The following AP3M1 variants were observed in gnomAD, a reference collection of about 807,000 sequenced individuals.
AP3M1 encodes the protein adaptor related protein complex 3 subunit mu 1, also known as AP-3 complex subunit mu-1.
Under a neutral mutation model 42.6 loss-of-function variants are expected in AP3M1, and 29 were observed. The ratio of observed to expected loss-of-function variants is 0.68; its 90% CI spans 0.51 to 0.93. The LOEUF (loss-of-function observed/expected upper bound fraction) is 0.93. Among genes scored for constraint, AP3M1 ranks in the 40% least tolerant of loss-of-function variants. AP3M1 has a pLI of 0.00. For missense variants in AP3M1, 416 were observed against 510.2 expected, an observed-to-expected ratio of 0.82 and a Z score of 1.78; for synonymous variants, 178 against 175.3, an observed-to-expected ratio of 1.02 and a Z score of -0.12.
rs1218966160 is a variant in AP3M1, at chr10:74,121,611, G to A, written c.*2199C>T. 3 of 152,210 alleles carry A rather than the reference G, an allele frequency of 2.0e-5. No homozygotes were observed. The highest frequency in any genetic ancestry group is 4.4e-5 in the Non-Finnish European group (3 of 68,030). 9.4% of individuals were successfully genotyped at this position (152,210 alleles called of 1,614,324 possible). Reference sequence around the variant, plus strand: ...TATGAATGGCTATTAACATACTGAGGTTAGGGAAGGAGTACTGAGAAGTGC... The same window carrying A: ...TATGAATGGCTATTAACATACTGAGATTAGGGAAGGAGTACTGAGAAGTGC... On this transcript the variant is annotated 3_prime_UTR_variant, in exon 9 of 9. Transcript: ENST00000355264.
intron 4 of AP3M1, among the ~76,000 whole-genome samples, chr10:74,133,445 C>T (rs902759380): frequency 2.0e-5 from 3 of 151,698 alleles, no homozygotes; most frequent in Non-Finnish European, 2.9e-5. Flanking sequence ...CCTGTAATCC[C>T]AGCTACTTGG....
At chr10:74,142,891 T>C (rs1841201188) in intron 1 of AP3M1, among the ~76,000 whole-genome samples, 1 of 152,260 alleles carries the variant, frequency 6.6e-6, no homozygotes, top group South Asian at 2.1e-4. Context: ...TAAATTTTTA[T>C]TATTACACCT....
intron 1 of AP3M1, among the ~76,000 whole-genome samples, chr10:74,146,880 G>GA (rs781477469): frequency 3.5e-3 from 468 of 133,618 alleles, no homozygotes; most frequent in African/African-American, 5.2e-3. Flanking sequence ...AGAGTCCTAA[G>GA]AAAAAAAAAA....
intron 1 of AP3M1, among the ~76,000 whole-genome samples, chr10:74,140,096 T>A (rs1429809874): frequency 6.6e-6 from 1 of 152,150 alleles, no homozygotes; most frequent in Non-Finnish European, 1.5e-5. Flanking sequence ...GACCCCCACC[T>A]GCAGCTGAGC....
In AP3M1 at chr10:74,124,392, G is replaced by C. The variant is rs1840555094; in HGVS notation, c.1144C>G (p.Leu382Val). 1 of 1,606,398 alleles carries C rather than the reference G, an allele frequency of 6.2e-7. No individual in the cohort carries two copies. Among genetic ancestry groups the C allele is most frequent in the Non-Finnish European group, 8.5e-7 (1 of 1,178,024 alleles). Reference protein sequence around the residue: ...SLNIQFKIQQLAISGLKVNRL... With the variant: ...SLNIQFKIQQVAISGLKVNRL... The stretch of plus-strand genomic sequence containing the variant: ...ACCTTATCCTTACCTGAAATAGCAA[G>C]CTGCTGGATCTTAAACTGTATGTTG... The change falls in exon 8 of 9, where the codon CTT (leucine) becomes GTT (valine). Residue 382 changes from leucine to valine, a missense_variant. Leu to Val is a conservative substitution (Grantham distance 32). Transcript: ENST00000355264.
Position 74,129,989 on chromosome 10 carries a change from G to A in AP3M1, c.587C>T (p.Ser196Phe). 6.4e-7 allele frequency: 1 copy of A among 1,560,782 alleles called. No homozygotes were observed. Among genetic ancestry groups the A allele is most frequent in the Non-Finnish European group, 8.6e-7 (1 of 1,156,284 alleles). The change falls in exon 5 of 9, where the codon TCT becomes TTT. Residue 196 changes from serine (S) to phenylalanine (F), a missense_variant. Ser to Phe is a radical substitution (Grantham distance 155). Transcript: ENST00000355264. ...CCCCTGAATTTCTGCAAAGACTGTA[G>A]ATCCTGAAGAAAGAAAAAAAAAAGG... ...EIDAIIDKSG[S>F]TVFAEIQGVI...
chr10:74,124,628 C>T, intron 7 of AP3M1, 104 bp from the exon 8 acceptor site: 2 of 965,502 alleles, frequency 2.1e-6, no homozygotes, highest in Non-Finnish European at 3.0e-6. Context: ...AACTGAAGTG[C>T]AGTCTCTTGA....
intron 4 of AP3M1, 31 bp downstream of exon 4, chr10:74,133,996 T>A: frequency 1.9e-6 from 3 of 1,610,442 alleles, no homozygotes; most frequent in Non-Finnish European, 2.5e-6. Flanking sequence ...GAATTGTTTT[T>A]CCCCAAATAA....
Position 74,123,155 on chromosome 10 carries a change from T to G in AP3M1, c.*655A>C, listed in dbSNP as rs1840517380. The G allele has an allele frequency of 6.6e-6, 1 of 152,642 alleles. No homozygotes were observed. Among genetic ancestry groups the G allele is most frequent in the Admixed American group, 6.5e-5 (1 of 15,268 alleles). The allele number at this position is 152,642 out of a possible 1,614,324, so 9.5% of individuals were successfully genotyped here. A position where few individuals can be genotyped will look rare whatever the true frequency, so the allele number is the denominator to read the frequency against. ...GGTATTTACTGCAGCAAGGTCCCTG[T>G]AAATCAAATTCTAAGCTTTACATAA... On this transcript the variant is annotated 3_prime_UTR_variant, in exon 9 of 9. Coordinates refer to ENST00000355264, the MANE Select transcript of AP3M1 (RefSeq NM_012095.6).
intron 1 of AP3M1, among the ~76,000 whole-genome samples, chr10:74,139,221 A>T (rs2395086): frequency 2.6e-5 from 4 of 151,572 alleles, no homozygotes; most frequent in Non-Finnish European, 5.9e-5. Flanking sequence ...CACACACACA[A>T]AAAAAAACCT....
In AP3M1 at chr10:74,134,142, T is replaced by A. The variant is rs757853058; in HGVS notation, c.468A>T (p.Thr156=). 6.2e-7 allele frequency: 1 copy of A among 1,613,758 alleles called. No homozygotes were observed. The highest frequency in any genetic ancestry group is 8.5e-7 in the Non-Finnish European group (1 of 1,179,880). Residue 156 remains threonine (T), a synonymous_variant, in exon 4 of 9, where the codon ACA becomes ACT. Transcript: ENST00000355264. ...TGTTGGACAGCTGCCCGGTGGGGAG[T>A]GTGTCCCCAACATTACTACTGCCTA... is the stretch of plus-strand genomic sequence containing the variant. ...SITGSSNVGD[T]LPTGQLSNIP...
At chr10:74,150,722 C>G (rs1841544568) in intron 1 of AP3M1, 33 bp downstream of exon 1, 1 of 156,190 alleles carries the variant, frequency 6.4e-6, no homozygotes, top group Non-Finnish European at 1.4e-5. Context: ...GGAGCTGTCC[C>G]CAGTCCACAG....
At chr10:74,143,282 C>A (rs576796630) in intron 1 of AP3M1, among the ~76,000 whole-genome samples, 2 of 152,350 alleles carry the variant, frequency 1.3e-5, no homozygotes, top group South Asian at 4.1e-4. Flanking sequence ...CAGAGTCTCC[C>A]ACTGTCACCC....
chr10:74,136,537 G>A, intron 3 of AP3M1, 95 bp downstream of exon 3: 1 of 993,844 alleles, frequency 1.0e-6, no homozygotes, highest in Non-Finnish European at 1.4e-6. Flanking sequence ...TGGCCAAATT[G>A]TACTACCTTA....
chr10:74,125,901 A>G (rs1428103925), intron 7 of AP3M1, among the ~76,000 whole-genome samples: 1 of 152,198 alleles, frequency 6.6e-6, no homozygotes, highest in African/African-American at 2.4e-5. Flanking sequence ...CTCTGGATTA[A>G]TAATGGATGA....
rs1487440243 is a variant in AP3M1, at chr10:74,136,773, T to C, written c.304A>G (p.Ile102Val). The change falls in exon 3 of 9, where the codon ATT becomes GTT. Residue 102 changes from isoleucine (I) to valine (V), a missense_variant. By Grantham distance (29) the Ile-to-Val change is conservative (BLOSUM62 3). Transcript: ENST00000355264. ...DYFGECSEAA[I>V]KDNVVIVYEL... ...TATACTATGACCACATTATCCTTAA[T>C]TGCAGCCTCTGAACACTCACCAAAG... 3 of 1,546,010 alleles carry C rather than the reference T, an allele frequency of 1.9e-6. No homozygotes were observed. The highest frequency in any genetic ancestry group is 2.3e-5 in the East Asian group (1 of 43,278).
intron 1 of AP3M1, among the ~76,000 whole-genome samples, chr10:74,140,651 T>C (rs1841117555): frequency 6.6e-6 from 1 of 151,706 alleles, no homozygotes; most frequent in South Asian, 2.1e-4. Context: ...TCGTGCTTCC[T>C]GATTTCAAAA....
Position 74,145,446 on chromosome 10 carries a change from G to A in AP3M1, c.-4+5309C>T, listed in dbSNP as rs549761871. Among the ~76,000 whole-genome samples, 85 of 152,266 alleles carry A rather than the reference G, an allele frequency of 5.6e-4. No individual in the cohort carries two copies. The South Asian group carries it at 7.7e-3, about 14-fold the overall frequency. ...AAACCCATCTTAACCTTCTATAATAGGAAAAGAGAGCTTACTTCTTCTATC... is the reference window on the plus strand; with the variant it reads ...AAACCCATCTTAACCTTCTATAATAAGAAAAGAGAGCTTACTTCTTCTATC... On this transcript the variant is annotated intron_variant, in intron 1 of 8. Transcript: ENST00000355264.
intron 1 of AP3M1, among the ~76,000 whole-genome samples, chr10:74,144,278 T>A (rs1029201265): frequency 1.3e-5 from 2 of 152,024 alleles, no homozygotes; most frequent in Non-Finnish European, 2.9e-5. Context: ...TTTTATTTTT[T>A]TTTTGAGATA....
Sources: allele counts gnomAD v4.1 joint callset (sites outside exome capture counted in the v4.1 genomes callset), GRCh38; gene constraint gnomAD v4.1.1; transcripts MANE v1.5; gene names NCBI Gene and HGNC (gene_info 2026-07-23, HGNC 2026-07-21).